LINGO1: variants seen among roughly 807,000 people sequenced by gnomAD.
LINGO1 encodes leucine-rich repeat and immunoglobulin-like domain-containing nogo receptor-interacting protein 1.
In LINGO1, 11 loss-of-function variants were observed where a neutral mutation model predicts 37.3. The observed-to-expected ratio is 0.29, with a 90% confidence interval of 0.19 to 0.49. The LOEUF (loss-of-function observed/expected upper bound fraction) is 0.49. LINGO1 is among the 20% of genes least tolerant of loss of function. LINGO1 has a pLI of 0.99. For missense variants in LINGO1, 585 were observed against 878.2 expected (o/e 0.67, Z 4.22); for synonymous variants, 387 against 403.0 (o/e 0.96, Z 0.48).
At chr15:77,655,868 C>A (rs977125637) in intron 3 of LINGO1, among the ~76,000 whole-genome samples, 1 of 152,220 alleles carries the variant, frequency 6.6e-6, no homozygotes, top group Non-Finnish European at 1.5e-5. Context: ...CCTTCTCCTC[C>A]CCATTGCTTG....
chr15:77,817,903 T>C (rs1448463884), intron 1 of LINGO1, among the ~76,000 whole-genome samples: 2 of 152,190 alleles, frequency 1.3e-5, no homozygotes, highest in East Asian at 3.8e-4. Context: ...AGAAGGATAA[T>C]GGAGGTGGAA....
At chr15:77,796,711 CTT>C (rs59535084) in intron 1 of LINGO1, among the ~76,000 whole-genome samples, 55,738 of 142,598 alleles carry the variant, frequency 0.39, 10,745 homozygotes, top group Admixed American at 0.49. Context: ...CCTCTCCTGC[CTT>C]TTTTTTTTTT....
chr15:77,674,639 G>A (rs953888279), intron 3 of LINGO1, among the ~76,000 whole-genome samples: 2 of 152,012 alleles, frequency 1.3e-5, no homozygotes, highest in Non-Finnish European at 2.9e-5. Flanking sequence ...TTTGGAAGGC[G>A]CTTCCCCCAC....
intron 3 of LINGO1, among the ~76,000 whole-genome samples, chr15:77,672,167 C>T (rs906841805): frequency 5.3e-5 from 8 of 150,446 alleles, no homozygotes; most frequent in Admixed American, 1.3e-4. Flanking sequence ...ACAGTGCTCG[C>T]TCCCCAGCTC....
intron 1 of LINGO1, among the ~76,000 whole-genome samples, chr15:77,756,298 A>G (rs1006763710): frequency 1.3e-5 from 2 of 152,204 alleles, no homozygotes; most frequent in Admixed American, 6.5e-5. Flanking sequence ...AAGGTCCACA[A>G]GGAAGACTGG....
At position 77,650,132 on chromosome 15, in the gene LINGO1, G is replaced by C. The variant is rs1480524369; in HGVS notation, c.-13+26957C>G. On this transcript the variant is annotated intron_variant, in intron 3 of 3. Transcript: ENST00000559893. ...CAATGTGAGATGAAGGTGCTTTGCT[G>C]GCCCTGGGGCTTTGTTGCCAATTAA... Among the ~76,000 whole-genome samples the C allele has an allele frequency of 3.3e-5, 5 of 152,358 alleles. No homozygotes were observed. In the East Asian group the frequency reaches 9.6e-4, roughly 29 times the overall value.
At chr15:77,804,056 T>C (rs1306585585) in intron 1 of LINGO1, among the ~76,000 whole-genome samples, 3 of 152,096 alleles carry the variant, frequency 2.0e-5, no homozygotes, top group South Asian at 2.1e-4. Flanking sequence ...ACATTAATCA[T>C]GTCACCTGGG....
At position 77,783,756 on chromosome 15, in the gene LINGO1, C is replaced by T. The variant is rs536314685; in HGVS notation, c.-257+3113G>A. On this transcript the variant is annotated intron_variant, in intron 1 of 3. Transcript: ENST00000561686. Reference sequence around the variant, plus strand: ...AAGCTGGAGAGATTGTGGGAGTTGCCTGGAGTCCCAGAGTCAGAAAGCAGG... The same window carrying T: ...AAGCTGGAGAGATTGTGGGAGTTGCTTGGAGTCCCAGAGTCAGAAAGCAGG... Among the ~76,000 whole-genome samples, 32 of 152,302 alleles carry T rather than the reference C, an allele frequency of 2.1e-4. 1 individual carries two copies. The South Asian group carries it at 6.2e-3, about 30-fold the overall frequency.
At chr15:77,789,590 G>T (rs1431859231), upstream of LINGO1, among the ~76,000 whole-genome samples, 5 of 152,324 alleles carry the variant, frequency 3.3e-5, no homozygotes, top group African/African-American at 1.2e-4. Flanking sequence ...CTGGGTGACA[G>T]AGTGAGACTC....
At chr15:77,676,450 T>TA (rs2075328960) in intron 3 of LINGO1, among the ~76,000 whole-genome samples, 1 of 152,244 alleles carries the variant, frequency 6.6e-6, no homozygotes, top group Non-Finnish European at 1.5e-5. Context: ...CTGGCAACCC[T>TA]AGCTGCTACC....
intron 3 of LINGO1, among the ~76,000 whole-genome samples, chr15:77,666,332 T>C (rs1245149285): frequency 6.6e-6 from 1 of 152,142 alleles, no homozygotes; most frequent in Non-Finnish European, 1.5e-5. Context: ...TGTTAGAAAG[T>C]GTGCAGCGCT....
At chr15:77,636,309 G>T (rs1463182536), upstream of LINGO1, among the ~76,000 whole-genome samples, 5 of 152,218 alleles carry the variant, frequency 3.3e-5, no homozygotes, top group African/African-American at 1.2e-4. Flanking sequence ...CTCTATGCTG[G>T]TCCTATCCAC....
At chr15:77,655,705 T>C (rs1166222787) in intron 3 of LINGO1, among the ~76,000 whole-genome samples, 2 of 152,016 alleles carry the variant, frequency 1.3e-5, no homozygotes, top group Non-Finnish European at 2.9e-5. Context: ...TTGCCAGGGG[T>C]ATGAAGAGAT....
chr15:77,794,886 G>A (rs749861079), intron 2 of LINGO1, among the ~76,000 whole-genome samples: 19 of 151,996 alleles, frequency 1.3e-4, no homozygotes, highest in East Asian at 1.9e-4. Context: ...ACTGGGCTTC[G>A]GAGCAAGGCC....
chr15:77,621,713 G>A (rs1300147199), intron 1 of LINGO1, among the ~76,000 whole-genome samples: 1 of 152,218 alleles, frequency 6.6e-6, no homozygotes, highest in Non-Finnish European at 1.5e-5. Context: ...AAAACGGGGT[G>A]TTACACGAGC....
chr15:77,709,403 C>T (rs772184312), intron 2 of LINGO1, among the ~76,000 whole-genome samples: 2 of 152,202 alleles, frequency 1.3e-5, no homozygotes, highest in Non-Finnish European at 2.9e-5. Flanking sequence ...TCATCATTCC[C>T]GTCCCACCGA....
At chr15:77,755,979 G>C (rs2076414793) in intron 1 of LINGO1, among the ~76,000 whole-genome samples, 1 of 152,198 alleles carries the variant, frequency 6.6e-6, no homozygotes, top group African/African-American at 2.4e-5. Flanking sequence ...GGTGGGAGCA[G>C]GGTCTCCTCC....
chr15:77,752,833 C>T (rs1002623813), intron 1 of LINGO1, among the ~76,000 whole-genome samples: 4 of 152,164 alleles, frequency 2.6e-5, no homozygotes, highest in African/African-American at 7.2e-5. Context: ...CACCAGCTGC[C>T]CTGAGCCCAT....
intron 1 of LINGO1, among the ~76,000 whole-genome samples, chr15:77,784,257 C>G (rs1014213274): frequency 4.6e-5 from 7 of 152,234 alleles, no homozygotes; most frequent in African/African-American, 1.7e-4. Flanking sequence ...GCCAAAGGCA[C>G]AGAGCCAGCA....
Sources: gnomAD v4.1 joint callset for allele counts (sites outside exome capture counted in the v4.1 genomes callset) on GRCh38, gnomAD v4.1.1 for gene constraint, MANE v1.5 for transcripts, NCBI Gene and HGNC (gene_info 2026-07-23, HGNC 2026-07-21) for gene names.